Variants in TRPM6 observed in about 807,000 individuals in gnomAD.
TRPM6 encodes transient receptor potential cation channel subfamily M member 6, also known as channel kinase 2.
TRPM6 carries 111 observed loss-of-function variants against 247.6 expected under a neutral mutation model. The observed-to-expected ratio is 0.45, with a 90% CI of 0.38 to 0.52. The LOEUF (loss-of-function observed/expected upper bound fraction) is 0.52, where lower values mean the gene tolerates loss of function less well. TRPM6 is among the 20% of genes least tolerant of loss of function. The pLI is 0.00. For synonymous variants in TRPM6, 892 were observed against 853.8 expected, an observed-to-expected ratio of 1.04 and a Z score of -0.78; for missense variants, 2,126 against 2,421.5, an observed-to-expected ratio of 0.88 and a Z score of 2.56.
At chr9:74,846,718 T>C (rs1362494200) in intron 3 of TRPM6, among the ~76,000 whole-genome samples, 1 of 152,062 alleles carries the variant, frequency 6.6e-6, no homozygotes, top group Non-Finnish European at 1.5e-5. Flanking sequence ...GGATAACTTG[T>C]TTGTATTTTT....
chr9:74,733,593 C>T (rs1825596837), intron 36 of TRPM6, among the ~76,000 whole-genome samples: 1 of 152,238 alleles, frequency 6.6e-6, no homozygotes, highest in Non-Finnish European at 1.5e-5. Flanking sequence ...AATGAGTACA[C>T]TGATGTTCAA....
chr9:74,811,133 TTTA>T (rs1346282471), intron 12 of TRPM6, among the ~76,000 whole-genome samples: 1 of 152,234 alleles, frequency 6.6e-6, no homozygotes, highest in Non-Finnish European at 1.5e-5. Flanking sequence ...TCTTAGGTAA[TTTA>T]TTACTATCCT....
intron 38 of TRPM6, among the ~76,000 whole-genome samples, chr9:74,727,749 T>G (rs1326193999): frequency 1.3e-5 from 2 of 152,212 alleles, no homozygotes; most frequent in Non-Finnish European, 2.9e-5. Flanking sequence ...AAATATATGT[T>G]GCAATGTGTG....
chr9:74,861,780 A>AT lies in TRPM6; in HGVS notation c.34-3033dup, dbSNP rs557860438. Reference sequence around the variant, plus strand: ...TGGTCTGGGAACTTAACTTTGATGTATTTTTTTTTTCATAGAATAATGCCT... The same window carrying AT: ...TGGTCTGGGAACTTAACTTTGATGTATTTTTTTTTTTCATAGAATAATGCCT... On this transcript the variant is annotated intron_variant, in intron 1 of 38. Transcript: ENST00000360774. Among the ~76,000 whole-genome samples, 104 of 150,258 alleles carry AT rather than the reference A, an allele frequency of 6.9e-4. 1 individual carries two copies. The highest frequency in any genetic ancestry group is 9.7e-4 in the East Asian group (5 of 5,138).
chr9:74,741,785 G>A (rs945661901), intron 33 of TRPM6, among the ~76,000 whole-genome samples: 2 of 152,018 alleles, frequency 1.3e-5, no homozygotes, highest in Admixed American at 1.3e-4. Context: ...AGCTGCATGA[G>A]AGGCTGAGGC....
chr9:74,763,627 T>A (rs1352458162), intron 25 of TRPM6, among the ~76,000 whole-genome samples: 2 of 151,740 alleles, frequency 1.3e-5, no homozygotes, highest in Non-Finnish European at 2.9e-5. Context: ...AAAACACAGA[T>A]CTTTAAAATT....
At chr9:74,748,403 T>A (rs141911622) in intron 30 of TRPM6, among the ~76,000 whole-genome samples, 1,884 of 152,342 alleles carry the variant, frequency 0.012, 15 homozygotes, top group Admixed American at 0.023. Context: ...GTAAACAGCC[T>A]CTGGCAGGTC....
In TRPM6 at chr9:74,833,025, T is replaced by C. The variant is rs1252709115; in HGVS notation, c.669+973A>G. Among the ~76,000 whole-genome samples, 6 of 150,434 alleles carry C rather than the reference T, an allele frequency of 4.0e-5. No homozygotes were observed. In the East Asian group the frequency reaches 7.8e-4, roughly 20 times the overall value. ...AAGACTGCGCCACTACACACCAGCC[T>C]GGGCAAGAGAGCGAGACTCCGTCTC... On this transcript the variant is annotated intron_variant, in intron 6 of 38. Coordinates refer to ENST00000360774, the MANE Select transcript of TRPM6 (RefSeq NM_017662.5).
chr9:74,859,522 C>T (rs1293858439), intron 1 of TRPM6, among the ~76,000 whole-genome samples: 3 of 152,180 alleles, frequency 2.0e-5, no homozygotes, highest in African/African-American at 7.2e-5. Context: ...CCTGTAATCC[C>T]AACACTTTGG....
In TRPM6 at chr9:74,775,821, G is replaced by C. The variant is rs1157014757; in HGVS notation, c.3403+62C>G. The C allele has an allele frequency of 2.0e-6, 3 of 1,530,892 alleles. No individual in the cohort carries two copies. The African/African-American group carries it at 4.1e-5, about 21-fold the overall frequency. The allele number at this position is 1,530,892 out of a possible 1,614,324, so 94.8% of individuals were successfully genotyped here. On this transcript the variant is annotated intron_variant, in intron 24 of 38. Transcript: ENST00000360774. ...TGAACTTAATTTATAATACTCCAGT[G>C]CATCTTTGCCTTGAATCCTACTTTT...
At chr9:74,801,716 C>A (rs1430716057) in intron 16 of TRPM6, among the ~76,000 whole-genome samples, 182 bp downstream of exon 16, 1 of 152,188 alleles carries the variant, frequency 6.6e-6, no homozygotes, top group Non-Finnish European at 1.5e-5. Flanking sequence ...TGAAGGTCAC[C>A]TCTCTTTTCT....
chr9:74,884,558 C>A (rs905284634), intron 1 of TRPM6, among the ~76,000 whole-genome samples: 1 of 149,256 alleles, frequency 6.7e-6, no homozygotes, highest in African/African-American at 2.5e-5. Flanking sequence ...TATAAAAGCA[C>A]ATCTAAATAA....
In TRPM6 at chr9:74,863,638, A is replaced by G. The variant is rs1276770772; in HGVS notation, c.34-4890T>C. ...GCTCTGTCTCCCAGGCTGGAGTGCA[A>G]TGGCGCGATCTCGGCTCACTGCGAG... On this transcript the variant is annotated intron_variant, in intron 1 of 38. Transcript: ENST00000360774. 4.6e-5 allele frequency among the ~76,000 whole-genome samples: 7 copies of G among 152,128 alleles called. No individual in the cohort carries two copies. The East Asian group carries it at 7.8e-4, about 17-fold the overall frequency.
intron 3 of TRPM6, among the ~76,000 whole-genome samples, chr9:74,846,323 C>T (rs1050572287): frequency 6.6e-6 from 1 of 152,116 alleles, no homozygotes; most frequent in Non-Finnish European, 1.5e-5. Context: ...AAAGCTCATT[C>T]TCTTCTTAAA....
At chr9:74,847,395 T>G (rs1424704563) in intron 3 of TRPM6, among the ~76,000 whole-genome samples, 3 of 152,244 alleles carry the variant, frequency 2.0e-5, no homozygotes, top group Non-Finnish European at 4.4e-5. Flanking sequence ...TTGCCCAAGC[T>G]GATCTTGAAC....
chr9:74,878,991 CA>C (rs1202828688), intron 1 of TRPM6, among the ~76,000 whole-genome samples: 2 of 150,960 alleles, frequency 1.3e-5, no homozygotes, highest in Admixed American at 6.6e-5. Flanking sequence ...AACCTCATCT[CA>C]AAAAAAATTT....
chr9:74,724,446 C>T lies in TRPM6; in HGVS notation c.*167G>A. The T allele has an allele frequency of 1.1e-6, 1 of 933,906 alleles. No homozygotes were observed. Among genetic ancestry groups the T allele is most frequent in the South Asian group, 1.5e-5 (1 of 67,860 alleles). 57.9% of individuals were successfully genotyped at this position (933,906 alleles called of 1,614,324 possible). On this transcript the variant is annotated 3_prime_UTR_variant, in exon 39 of 39. Coordinates refer to ENST00000360774, the MANE Select transcript of TRPM6 (RefSeq NM_017662.5). ...GGACAGAGGTCAGTGTCTAGGAGAA[C>T]CCATTGATCATATACCAATGAGGCC...
At chr9:74,825,458 CGTGTGTGTGT>C (rs5898381) in intron 7 of TRPM6, among the ~76,000 whole-genome samples, 1 of 148,578 alleles carries the variant, frequency 6.7e-6, no homozygotes, top group African/African-American at 2.5e-5. Context: ...CTCTTTCTTC[CGTGTGTGTGT>C]GTGTGTGTGT....
intron 5 of TRPM6, among the ~76,000 whole-genome samples, chr9:74,836,030 C>G (rs1829709702): frequency 1.3e-5 from 2 of 152,140 alleles, no homozygotes; most frequent in Admixed American, 1.3e-4. Flanking sequence ...ACTCTTGCTG[C>G]TGTACATTCT....
Sources: gnomAD v4.1 joint callset for allele counts (sites outside exome capture counted in the v4.1 genomes callset) on GRCh38, gnomAD v4.1.1 for gene constraint, MANE v1.5 for transcripts, NCBI Gene and HGNC (gene_info 2026-07-23, HGNC 2026-07-21) for gene names.